Variants in TRIP11 observed in about 807,000 individuals in gnomAD.
TRIP11 encodes thyroid hormone receptor interactor 11.
A neutral mutation model predicts 223.1 loss-of-function variants in TRIP11; 148 were observed. The observed-to-expected ratio is 0.66, with a 90% CI of 0.58 to 0.76. The LOEUF (loss-of-function observed/expected upper bound fraction) is 0.76. Ranked by LOEUF, TRIP11 falls within the 30% of genes least tolerant of loss-of-function variation. The probability of loss-of-function intolerance (pLI) is 0.00; values close to 1 mark genes in which losing one functional copy is unlikely to be tolerated. For synonymous variants in TRIP11, 762 were observed against 772.6 expected (o/e 0.99, Z 0.23); for missense variants, 2,043 against 2,222.0 (o/e 0.92, Z 1.62).
Position 92,004,922 on chromosome 14 carries a change from C to T in TRIP11, c.3054G>A (p.Thr1018=), listed in dbSNP as rs201794042. The T allele has an allele frequency of 5.7e-5, 92 of 1,613,776 alleles. No individual in the cohort carries two copies. The highest frequency in any genetic ancestry group is 3.9e-4 in the African/African-American group (29 of 75,012). The change falls in exon 11 of 21, where the codon ACG becomes ACA. Residue 1018 remains threonine, a synonymous_variant. Coordinates refer to ENST00000267622, the MANE Select transcript of TRIP11 (RefSeq NM_004239.4). ...CTTTTATTCCTTTCACTAATCTTTC[C>T]GTTTCAGCTTTAGATAAATCATGCT... is the stretch of plus-strand genomic sequence containing the variant. The part of the protein sequence containing the change: ...SEKHDLSKAE[T]ERLVKGIKER...
chr14:91,976,217 G>A (rs1156804521), intron 16 of TRIP11, 28 bp from the exon 17 acceptor site: 1 of 1,580,648 alleles, frequency 6.3e-7, no homozygotes, highest in Non-Finnish European at 8.7e-7. Context: ...AATAAAGATA[G>A]CCATTAACTG....
intron 16 of TRIP11, 135 bp downstream of exon 16, chr14:91,988,149 G>A (rs1354191342): frequency 1.4e-5 from 10 of 705,252 alleles, no homozygotes; most frequent in African/African-American, 1.1e-4. Flanking sequence ...AAGCAAGTCA[G>A]TCAGGGAAGA....
intron 5 of TRIP11, among the ~76,000 whole-genome samples, chr14:92,016,951 C>A (rs894322977): frequency 2.0e-5 from 3 of 152,158 alleles, no homozygotes; most frequent in African/African-American, 7.2e-5. Flanking sequence ...GCAACTAAGA[C>A]TTTTCTTTAA....
rs947546644 is a variant in TRIP11 at position 92,005,770 on chromosome 14, C to T, written c.2206G>A (p.Ala736Thr). 3.7e-6 allele frequency: 6 copies of T among 1,613,916 alleles called. No homozygotes were observed. Among genetic ancestry groups the T allele is most frequent in the Admixed American group, 3.3e-5 (2 of 60,006 alleles). ...TCAATGGTTTTCTCATACTTGTTTGCTTCTTCCAACAGCCTCTTTTTAGCC... is the reference window on the plus strand; with the variant it reads ...TCAATGGTTTTCTCATACTTGTTTGTTTCTTCCAACAGCCTCTTTTTAGCC... ...CWAKKRLLEE[A>T]NKYEKTIEEL... Residue 736 changes from alanine (A) to threonine (T), a missense_variant, in exon 11 of 21, where the codon GCA becomes ACA. Ala to Thr is a moderately conservative substitution (Grantham distance 58). Transcript: ENST00000267622.
chr14:91,993,416 C>G (rs779367680), intron 15 of TRIP11, among the ~76,000 whole-genome samples: 2 of 128,562 alleles, frequency 1.6e-5, no homozygotes, highest in African/African-American at 6.0e-5. Flanking sequence ...GCAGAGGTTG[C>G]GGTGGGTCGA....
intron 16 of TRIP11, among the ~76,000 whole-genome samples, chr14:91,986,383 G>A (rs1301750988): frequency 1.3e-5 from 2 of 152,130 alleles, no homozygotes; most frequent in Non-Finnish European, 2.9e-5. Context: ...ACTACTGGCT[G>A]AGCATCCCTA....
intron 7 of TRIP11, 53 bp downstream of exon 7, chr14:92,014,162 C>A (rs778441964): frequency 6.6e-5 from 107 of 1,610,740 alleles, no homozygotes; most frequent in Non-Finnish European, 8.4e-5. Flanking sequence ...TCTCTAAAAA[C>A]AACTACTATG....
chr14:91,980,818 C>A (rs571987810), intron 16 of TRIP11, among the ~76,000 whole-genome samples: 1 of 151,608 alleles, frequency 6.6e-6, no homozygotes, highest in Non-Finnish European at 1.5e-5. Flanking sequence ...TTATCTGCAT[C>A]TGGATACCTT....
rs2056901048 is a variant in TRIP11 at position 92,006,242 on chromosome 14, C to T, written c.1734G>A (p.Lys578=). The change falls in exon 11 of 21, where the codon AAG becomes AAA. Residue 578 remains lysine (K), a synonymous_variant. Transcript: ENST00000267622. ...EVALNDLHLT[K]QKLEDKVENL... ...TTTCTACTTTGTCCTCAAGTTTCTGCTTGGTTAAATGTAAATCATTTAGGG... is the reference window on the plus strand; with the variant it reads ...TTTCTACTTTGTCCTCAAGTTTCTGTTTGGTTAAATGTAAATCATTTAGGG... The T allele has an allele frequency of 1.2e-6, 2 of 1,612,834 alleles. No individual in the cohort carries two copies. The highest frequency in any genetic ancestry group is 2.2e-5 in the East Asian group (1 of 44,742).
Position 91,993,476 on chromosome 14 carries a change from CA to C in TRIP11, c.5160+332del, listed in dbSNP as rs59244424. Among the ~76,000 whole-genome samples the C allele has an allele frequency of 0.045, 2,318 of 51,804 alleles. 13 individuals carry two copies. Among genetic ancestry groups the C allele is most frequent in the South Asian group, 0.13 (217 of 1,730 alleles). The allele number at this position is 51,804 out of a possible 152,430, so 34.0% of individuals were successfully genotyped here. ...GGGTAACAAGAGTGAAACTCGGTCT[CA>C]AAAAAAAAAAAAAAAAAAAAAAGAG... On this transcript the variant is annotated intron_variant, in intron 15 of 20. Transcript: ENST00000267622.
At chr14:91,975,956 T>C in intron 17 of TRIP11, 152 bp downstream of exon 17, 1 of 646,002 alleles carries the variant, frequency 1.5e-6, no homozygotes, top group South Asian at 2.0e-5. Flanking sequence ...TGCTGACTCC[T>C]CATTAAAGCT....
chr14:91,993,351 C>T (rs2056704346), intron 15 of TRIP11, among the ~76,000 whole-genome samples: 1 of 151,626 alleles, frequency 6.6e-6, no homozygotes, highest in Admixed American at 6.6e-5. Flanking sequence ...TGGTGCACGC[C>T]TGTAATCCCA....
At chr14:91,998,457 A>C (rs2056778167) in intron 13 of TRIP11, among the ~76,000 whole-genome samples, 1 of 152,178 alleles carries the variant, frequency 6.6e-6, no homozygotes, top group African/African-American at 2.4e-5. Flanking sequence ...GTAGCCACAA[A>C]ATATTGCAAA....
chr14:92,012,507 GAACA>G (rs1288461775), intron 7 of TRIP11, among the ~76,000 whole-genome samples: 62 of 152,190 alleles, frequency 4.1e-4, no homozygotes, highest in African/African-American at 1.4e-3. Flanking sequence ...GGTGCTATGA[GAACA>G]AACAGGGTAA....
Position 91,967,598 on chromosome 14 carries a change from A to AAAT in TRIP11, c.*2072_*2074dup, listed in dbSNP as rs1464441363. 1.5e-5 allele frequency: 3 copies of AAAT among 199,774 alleles called. No individual in the cohort carries two copies. In the Admixed American group the frequency reaches 1.8e-4, roughly 12 times the overall value. 12.4% of individuals were successfully genotyped at this position (199,774 alleles called of 1,614,324 possible). On this transcript the variant is annotated 3_prime_UTR_variant, in exon 21 of 21. Transcript: ENST00000267622. ...GACAAGTTGTTTTGGTCAGAGAAGG[A>AAAT]AATACTCAAAAATGTCACAAAAGGC...
intron 13 of TRIP11, among the ~76,000 whole-genome samples, chr14:91,997,684 G>T (rs2056768390): frequency 6.6e-6 from 1 of 152,022 alleles, no homozygotes. Flanking sequence ...CAGGAAAACA[G>T]TGGCTCTGAG....
rs763595229 is a variant in TRIP11, at chr14:92,015,864, T to TA, written c.658-4dup. On this transcript the variant is annotated splice_region_variant and splice_polypyrimidine_tract_variant and intron_variant, in intron 5 of 20. Transcript: ENST00000267622. ...TGACTTCGGTTCTGTTTTAGTTCCTTAAAAAATAAAAACAAAGTTATTCAC... is the reference window on the plus strand; with the variant it reads ...TGACTTCGGTTCTGTTTTAGTTCCTTAAAAAAATAAAAACAAAGTTATTCAC... 1.9e-6 allele frequency: 3 copies of TA among 1,604,412 alleles called. No homozygotes were observed. In the African/African-American group the frequency reaches 4.0e-5, roughly 21 times the overall value.
At chr14:92,026,663 C>A in intron 2 of TRIP11, 1 of 1,086,422 alleles carries the variant, frequency 9.2e-7, no homozygotes, top group Non-Finnish European at 1.4e-6. Flanking sequence ...GGAAGAGACG[C>A]CCCTGCTGAC....
chr14:91,981,410 G>C (rs2056542991), intron 16 of TRIP11, among the ~76,000 whole-genome samples: 1 of 151,820 alleles, frequency 6.6e-6, no homozygotes, highest in Non-Finnish European at 1.5e-5. Flanking sequence ...TGTTTTTTTA[G>C]ACAGAGTCTC....
Sources: gnomAD v4.1 joint callset for allele counts (sites outside exome capture counted in the v4.1 genomes callset) on GRCh38, gnomAD v4.1.1 for gene constraint, MANE v1.5 for transcripts, NCBI Gene and HGNC (gene_info 2026-07-23, HGNC 2026-07-21) for gene names.